TCF4: variants seen among roughly 807,000 people sequenced by gnomAD.
TCF4 encodes transcription factor 4, also known as SL3-3 enhancer factor 2.
A neutral mutation model predicts 82.1 loss-of-function variants in TCF4; 3 were observed. That is an observed-to-expected ratio of 0.04 (90% confidence interval 0.02 to 0.09). The LOEUF (loss-of-function observed/expected upper bound fraction) is 0.09, where lower values mean the gene tolerates loss of function less well. TCF4 is among the 10% of genes least tolerant of loss of function. The probability of loss-of-function intolerance (pLI) is 1.00; values close to 1 mark genes in which losing one functional copy is unlikely to be tolerated. For synonymous variants in TCF4, 276 were observed against 309.6 expected (o/e 0.89, Z 1.14); for missense variants, 518 against 852.7 (o/e 0.61, Z 4.89).
At chr18:55,608,854 G>A (rs1354481147) in intron 2 of TCF4, among the ~76,000 whole-genome samples, 3 of 152,070 alleles carry the variant, frequency 2.0e-5, no homozygotes, top group Non-Finnish European at 4.4e-5. Context: ...TAGCTAAATT[G>A]GAAAAAGGTG....
chr18:55,458,039 C>T (rs1437840057), intron 5 of TCF4, among the ~76,000 whole-genome samples: 2 of 151,762 alleles, frequency 1.3e-5, no homozygotes, highest in Middle Eastern at 3.4e-3. Flanking sequence ...AAAATAAAAC[C>T]TTACTAAATG....
intron 6 of TCF4, chr18:55,402,307 T>C (rs986141228): frequency 6.0e-6 from 5 of 829,080 alleles, no homozygotes; most frequent in Non-Finnish European, 7.3e-6. Context: ...TACCTTCCTA[T>C]GTCTGGTACG....
intron 11 of TCF4, chr18:55,266,461 T>G (rs934289365): frequency 4.6e-5 from 7 of 152,148 alleles, no homozygotes; most frequent in Non-Finnish European, 8.8e-5. Flanking sequence ...GCTGAACTAC[T>G]GTGAATCCAT....
At chr18:55,520,382 A>G (rs1196149861) in intron 3 of TCF4, among the ~76,000 whole-genome samples, 6 of 152,188 alleles carry the variant, frequency 3.9e-5, no homozygotes, top group African/African-American at 1.4e-4. Context: ...AAAAACAAGT[A>G]TCATCCCACA....
chr18:55,404,889 A>G (rs1165623417), intron 5 of TCF4, among the ~76,000 whole-genome samples: 1 of 152,232 alleles, frequency 6.6e-6, no homozygotes, highest in Non-Finnish European at 1.5e-5. Context: ...TAACTTTTCT[A>G]CTGATTTTAA....
intron 3 of TCF4, among the ~76,000 whole-genome samples, chr18:55,503,082 T>C (rs2096717586): frequency 1.3e-5 from 2 of 152,212 alleles, no homozygotes; most frequent in Non-Finnish European, 2.9e-5. Flanking sequence ...CTGCCTTAGT[T>C]ACTAGTGCAA....
At chr18:55,243,377 C>T (rs1343473266) in intron 15 of TCF4, among the ~76,000 whole-genome samples, 1 of 152,068 alleles carries the variant, frequency 6.6e-6, no homozygotes, top group East Asian at 1.9e-4. Flanking sequence ...ACAAATGGTA[C>T]CTCACTGTAT....
intron 3 of TCF4, among the ~76,000 whole-genome samples, chr18:55,485,873 C>T (rs2096507176): frequency 6.6e-6 from 1 of 152,214 alleles, no homozygotes; most frequent in Non-Finnish European, 1.5e-5. Context: ...GCAAACCACA[C>T]TGTCTGGATG....
intron 8 of TCF4, among the ~76,000 whole-genome samples, chr18:55,335,257 T>A (rs998089765): frequency 3.9e-5 from 6 of 152,230 alleles, no homozygotes; most frequent in African/African-American, 1.4e-4. Context: ...GGTCTGACTG[T>A]TTGCTTCCTT....
intron 6 of TCF4, among the ~76,000 whole-genome samples, chr18:55,370,427 TGATAGATAGATAGATAGATAGATA>T (rs10566649): frequency 6.2e-5 from 9 of 145,074 alleles, no homozygotes; most frequent in South Asian, 2.3e-4. Context: ...GATAGACAGA[TGATAGATAGATAGATAGATAGATA>T]GATAGATAGA....
intron 15 of TCF4, among the ~76,000 whole-genome samples, chr18:55,241,624 CAGGTGGCCCATCCCTA>C (rs1231936564): frequency 6.6e-6 from 1 of 152,330 alleles, no homozygotes; most frequent in East Asian, 1.9e-4. Context: ...TTAGCCAGTC[CAGGTGGCCCATCCCTA>C]AGGATCCCTA....
At chr18:55,275,533 G>T in intron 10 of TCF4, 86 bp downstream of exon 10, 1 of 1,578,662 alleles carries the variant, frequency 6.3e-7, no homozygotes, top group Non-Finnish European at 8.7e-7. Context: ...TATTTGCAGA[G>T]TCCTTGTGTA....
chr18:55,520,346 C>T (rs115922681), intron 3 of TCF4, among the ~76,000 whole-genome samples: 3,176 of 152,164 alleles, frequency 0.021, 124 homozygotes, highest in African/African-American at 0.073. Flanking sequence ...ACTTCTTCAG[C>T]TATATAAATA....
At chr18:55,323,329 C>G (rs966778485) in intron 8 of TCF4, among the ~76,000 whole-genome samples, 1 of 152,172 alleles carries the variant, frequency 6.6e-6, no homozygotes, top group Non-Finnish European at 1.5e-5. Flanking sequence ...TAATTCAAAG[C>G]ACCTATTTCC....
At chr18:55,358,315 A>G (rs2084113583) in intron 6 of TCF4, among the ~76,000 whole-genome samples, 1 of 152,230 alleles carries the variant, frequency 6.6e-6, no homozygotes, top group Non-Finnish European at 1.5e-5. Context: ...TCCAACTACT[A>G]CTGCTGCTCA....
At chr18:55,487,576 A>ATGTTTTTTAAATGGTGATAGAAATATAT (rs2096530965) in intron 3 of TCF4, among the ~76,000 whole-genome samples, 1 of 152,240 alleles carries the variant, frequency 6.6e-6, no homozygotes, top group African/African-American at 2.4e-5. Context: ...AACTAAAAGA[A>ATGTTTTTTAAATGGTGATAGAAATATAT]TGTTTTTTAA....
At chr18:55,350,832 G>C (rs376405812) in intron 7 of TCF4, 42 bp downstream of exon 7, 2 of 1,611,928 alleles carry the variant, frequency 1.2e-6, no homozygotes, top group Non-Finnish European at 1.7e-6. Flanking sequence ...AAAGAAAAAG[G>C]CATAATCATC....
At chr18:55,449,610 T>C (rs1006988441) in intron 5 of TCF4, among the ~76,000 whole-genome samples, 1 of 152,190 alleles carries the variant, frequency 6.6e-6, no homozygotes, top group African/African-American at 2.4e-5. Context: ...TACAGCTTGG[T>C]CTGAATAGCC....
rs909821620 is a variant in TCF4 at position 55,633,853 on chromosome 18, T to C, written c.195+1850A>G. 1.3e-5 allele frequency among the ~76,000 whole-genome samples: 2 copies of C among 151,896 alleles called. No homozygotes were observed. Among genetic ancestry groups the C allele is most frequent in the Admixed American group, 6.6e-5 (1 of 15,246 alleles). The stretch of plus-strand genomic sequence containing the variant: ...AGAGCATAGCCAGGAGAAACAGCTG[T>C]ATACAAAGGCTAAAAACCAAACCAA... On this transcript the variant is annotated intron_variant, in intron 1 of 20. Coordinates refer to the TCF4 transcript ENST00000398339. The surrounding 1 kb of genome is among the most constrained non-coding windows in gnomAD (Gnocchi z 4.0).
Sources: allele counts gnomAD v4.1 joint callset (sites outside exome capture counted in the v4.1 genomes callset), GRCh38; gene constraint gnomAD v4.1.1; non-coding constraint Gnocchi (gnomAD v3.1); transcripts MANE v1.5; gene names NCBI Gene and HGNC (gene_info 2026-07-23, HGNC 2026-07-21).